Variants in PEX5 observed in about 807,000 individuals in gnomAD.
PEX5 encodes the protein PTS1 receptor.
Under a neutral mutation model 82.9 loss-of-function variants are expected in PEX5, and 52 were observed. The observed-to-expected ratio is 0.63, with a 90% CI of 0.50 to 0.79. PEX5 has a LOEUF of 0.79. Among genes scored for constraint, PEX5 ranks in the 30% least tolerant of loss-of-function variants. The pLI is 0.00. For missense variants in PEX5, 719 were observed against 815.2 expected (o/e 0.88, Z 1.44); for synonymous variants, 300 against 318.8 (o/e 0.94, Z 0.63).
intron 5 of PEX5, among the ~76,000 whole-genome samples, chr12:7,194,082 CT>C (rs747739435): frequency 5.3e-5 from 8 of 151,940 alleles, no homozygotes; most frequent in Non-Finnish European, 8.8e-5. Flanking sequence ...TCGTAACTGA[CT>C]TTTTTTTATT....
At chr12:7,201,522 A>G (rs1001676891) in intron 6 of PEX5, among the ~76,000 whole-genome samples, 2 of 152,110 alleles carry the variant, frequency 1.3e-5, no homozygotes, top group Admixed American at 1.3e-4. Context: ...CTACTATCCC[A>G]TCTGTATGCA....
chr12:7,211,945 TGG>T, downstream of PEX5, among the ~76,000 whole-genome samples: 1 of 120,940 alleles, frequency 8.3e-6, no homozygotes, highest in Non-Finnish European at 1.7e-5. Flanking sequence ...ACATTAGACT[TGG>T]AAAAAAAATT....
chr12:7,190,269 C>A (rs554104441), intron 1 of PEX5, 93 bp from the exon 2 acceptor site: 1 of 1,591,254 alleles, frequency 6.3e-7, no homozygotes, highest in South Asian at 1.1e-5. Context: ...GTGGGGCAGA[C>A]GCCTGTGTGC....
intron 3 of PEX5, 109 bp from the exon 4 acceptor site, chr12:7,191,117 G>A (rs1316158377): frequency 4.5e-6 from 6 of 1,322,602 alleles, no homozygotes; most frequent in Admixed American, 1.7e-5. Flanking sequence ...TCCAGTTTCT[G>A]TGTTTTCCTT....
At chr12:7,205,395 T>C (rs1188154189) in intron 10 of PEX5, among the ~76,000 whole-genome samples, 1 of 152,248 alleles carries the variant, frequency 6.6e-6, no homozygotes, top group Non-Finnish European at 1.5e-5. Flanking sequence ...CATAAATTCA[T>C]GGATCTCTTT....
chr12:7,199,690 A>G (rs1192835860), intron 6 of PEX5, among the ~76,000 whole-genome samples: 2 of 150,006 alleles, frequency 1.3e-5, no homozygotes, highest in Non-Finnish European at 3.0e-5. Flanking sequence ...CGCCATTGTC[A>G]TCATGGCCCG....
intron 5 of PEX5, among the ~76,000 whole-genome samples, chr12:7,192,610 G>C (rs926680592): frequency 6.6e-6 from 1 of 152,048 alleles, no homozygotes; most frequent in African/African-American, 2.4e-5. Flanking sequence ...TCCTGTTTAA[G>C]ATATCAAGAA....
At chr12:7,190,981 T>C in intron 3 of PEX5, 58 bp downstream of exon 3, 1 of 1,514,590 alleles carries the variant, frequency 6.6e-7, no homozygotes, top group Non-Finnish European at 9.2e-7. Flanking sequence ...TGTTTTTACC[T>C]TTAAACTTAG....
intron 10 of PEX5, 41 bp from the exon 11 acceptor site, chr12:7,207,618 G>C (rs763794162): frequency 1.5e-5 from 24 of 1,609,284 alleles, no homozygotes; most frequent in Non-Finnish European, 2.0e-5. Context: ...TGTTCTGACG[G>C]TGCCACCTCT....
chr12:7,196,387 GT>G (rs1312571351), intron 5 of PEX5, among the ~76,000 whole-genome samples: 1 of 136,578 alleles, frequency 7.3e-6, no homozygotes, highest in African/African-American at 2.6e-5. Context: ...TAATAATTAT[GT>G]GTCATACATA....
intron 10 of PEX5, among the ~76,000 whole-genome samples, chr12:7,206,346 C>T (rs1944777032): frequency 6.6e-6 from 1 of 152,194 alleles, no homozygotes; most frequent in South Asian, 2.1e-4. Flanking sequence ...GACAGCCGTG[C>T]TCATTTGTTT....
intron 5 of PEX5, among the ~76,000 whole-genome samples, chr12:7,196,243 GT>G (rs1283161712): frequency 6.8e-5 from 2 of 29,516 alleles, no homozygotes; most frequent in Non-Finnish European, 2.0e-4. Context: ...TTAATTATAT[GT>G]CATATTTAAT....
At chr12:7,203,593 T>G (rs1440531045) in intron 10 of PEX5, 42 bp downstream of exon 10, 1 of 1,589,890 alleles carries the variant, frequency 6.3e-7, no homozygotes, top group African/African-American at 1.3e-5. Context: ...CAGAACTTCC[T>G]TCTTTTTAAC....
At chr12:7,198,758 T>G (rs955830482) in intron 5 of PEX5, among the ~76,000 whole-genome samples, 1 of 152,186 alleles carries the variant, frequency 6.6e-6, no homozygotes, top group African/African-American at 2.4e-5. Context: ...TTTCCTGAGA[T>G]TCCTTATTTG....
chr12:7,216,195 T>G (rs1015810804), downstream of PEX5, among the ~76,000 whole-genome samples: 9 of 152,220 alleles, frequency 5.9e-5, no homozygotes, highest in African/African-American at 2.2e-4. Context: ...CTTGAACTCC[T>G]GACGTCAGGT....
intron 6 of PEX5, among the ~76,000 whole-genome samples, chr12:7,200,351 T>G (rs1348881128): frequency 2.0e-5 from 3 of 147,268 alleles, no homozygotes; most frequent in Non-Finnish European, 4.5e-5. Flanking sequence ...GAAGAGGCGC[T>G]CCTCACTTCC....
intron 10 of PEX5, 85 bp from the exon 11 acceptor site, chr12:7,207,574 C>A (rs1218177516): frequency 7.1e-7 from 1 of 1,403,894 alleles, no homozygotes. Context: ...CCCTCAGCTT[C>A]TCTGCCTGCT....
chr12:7,213,719 G>T (rs1336737044), downstream of PEX5, among the ~76,000 whole-genome samples: 67 of 149,632 alleles, frequency 4.5e-4, no homozygotes, highest in Non-Finnish European at 9.1e-4. Context: ...AGACAAAATT[G>T]ACAAATGGGA....
downstream of PEX5, among the ~76,000 whole-genome samples, chr12:7,214,648 A>G (rs1313866497): frequency 6.6e-6 from 1 of 151,042 alleles, no homozygotes; most frequent in African/African-American, 2.4e-5. Flanking sequence ...GCACACCAGC[A>G]TGGCACATGT....
Sources: gnomAD v4.1 joint callset for allele counts (sites outside exome capture counted in the v4.1 genomes callset) on GRCh38, gnomAD v4.1.1 for gene constraint, MANE v1.5 for transcripts, NCBI Gene and HGNC (gene_info 2026-07-23, HGNC 2026-07-21) for gene names.